Variants in KCNQ3 observed in about 807,000 individuals in gnomAD.
The protein encoded by KCNQ3 is potassium voltage-gated channel subfamily Q member 3, also known as potassium voltage-gated channel subfamily KQT member 3.
Under a neutral mutation model 92.5 loss-of-function variants are expected in KCNQ3, and 30 were observed. The ratio of observed to expected loss-of-function variants is 0.32; its 90% CI spans 0.24 to 0.44. KCNQ3 has a LOEUF of 0.44. KCNQ3 is among the 20% of genes least tolerant of loss of function. The pLI is 1.00. For synonymous variants in KCNQ3, 450 were observed against 468.8 expected (o/e 0.96, Z 0.52); for missense variants, 913 against 1,140.3 (o/e 0.80, Z 2.87).
intron 1 of KCNQ3, among the ~76,000 whole-genome samples, chr8:132,446,192 G>C (rs1199057201): frequency 6.6e-6 from 1 of 152,204 alleles, no homozygotes; most frequent in Non-Finnish European, 1.5e-5. Context: ...CCCTGCAGTG[G>C]CTTCCACAAC....
intron 1 of KCNQ3, among the ~76,000 whole-genome samples, chr8:132,362,139 G>A (rs1015835547): frequency 6.6e-6 from 1 of 152,128 alleles, no homozygotes; most frequent in Admixed American, 6.5e-5. Flanking sequence ...GTGGCTTGAC[G>A]ATTTTCTTTA....
At chr8:132,396,079 A>G (rs543678590) in intron 1 of KCNQ3, among the ~76,000 whole-genome samples, 1 of 152,308 alleles carries the variant, frequency 6.6e-6, no homozygotes, top group South Asian at 2.1e-4. Flanking sequence ...CTAGCACTGC[A>G]GTGAGGATTA....
At chr8:132,459,739 T>C (rs928647176) in intron 1 of KCNQ3, among the ~76,000 whole-genome samples, 3 of 151,018 alleles carry the variant, frequency 2.0e-5, no homozygotes, top group African/African-American at 7.3e-5. Flanking sequence ...TTTTCTTGTT[T>C]TTTTTTTTTT....
intron 7 of KCNQ3, among the ~76,000 whole-genome samples, chr8:132,171,314 A>G (rs1344593283): frequency 1.3e-5 from 2 of 152,144 alleles, no homozygotes; most frequent in Non-Finnish European, 2.9e-5. Context: ...AGTCAGGCAC[A>G]CAGACCCACA....
chr8:132,467,861 T>C (rs1283678824), intron 1 of KCNQ3, among the ~76,000 whole-genome samples: 2 of 152,234 alleles, frequency 1.3e-5, no homozygotes, highest in Non-Finnish European at 2.9e-5. Context: ...GATGGCACAC[T>C]GCTGTTGGAG....
chr8:132,333,395 T>C (rs932411595), intron 1 of KCNQ3, among the ~76,000 whole-genome samples: 3 of 152,204 alleles, frequency 2.0e-5, no homozygotes, highest in Admixed American at 6.5e-5. Context: ...ATTAGTAAGA[T>C]GCTGTCCCAC....
intron 7 of KCNQ3, among the ~76,000 whole-genome samples, chr8:132,171,751 C>A (rs1403460779): frequency 6.6e-6 from 1 of 152,172 alleles, no homozygotes; most frequent in African/African-American, 2.4e-5. Context: ...GGACTTTAGG[C>A]TGACTCTTCC....
intron 1 of KCNQ3, among the ~76,000 whole-genome samples, chr8:132,210,624 C>G (rs1813821098): frequency 6.6e-6 from 1 of 152,208 alleles, no homozygotes; most frequent in African/African-American, 2.4e-5. Flanking sequence ...TTGGCCAGGA[C>G]TGGGTTCTCA....
At chr8:132,131,674 C>T (rs1824882997) in intron 14 of KCNQ3, among the ~76,000 whole-genome samples, 1 of 152,178 alleles carries the variant, frequency 6.6e-6, no homozygotes, top group African/African-American at 2.4e-5. Context: ...AAAACTGAGG[C>T]TCAGAACAAT....
chr8:132,297,823 T>C (rs1182371041), intron 1 of KCNQ3, among the ~76,000 whole-genome samples: 4 of 122,940 alleles, frequency 3.3e-5, no homozygotes, highest in Non-Finnish European at 5.5e-5. Flanking sequence ...CCGGAACTCA[T>C]GTATCAGTTC....
chr8:132,396,129 C>G (rs1820185768), intron 1 of KCNQ3, among the ~76,000 whole-genome samples: 2 of 152,314 alleles, frequency 1.3e-5, no homozygotes, highest in Admixed American at 6.5e-5. Flanking sequence ...GCACTGTTGT[C>G]AAAACCTTCA....
Position 132,175,475 on chromosome 8 carries a change from G to T in KCNQ3, c.911C>A (p.Ala304Glu). ...EEMKEEFETY[A>E]DALWWGLITL... ...CACCAGGCCCCACCACAGGGCATCT[G>T]CATAGGTCTCAAACTCCTCTTTCAT... The change falls in exon 5 of 15, where the codon GCA (alanine) becomes GAA (glutamate). Residue 304 changes from alanine to glutamate, a missense_variant. This residue lies in a region of KCNQ3 where 52 missense variants were observed against 127.7 expected (regional missense o/e 0.41). Transcript: ENST00000388996. The T allele has an allele frequency of 6.2e-7, 1 of 1,614,178 alleles. No individual in the cohort carries two copies. The highest frequency in any genetic ancestry group is 8.5e-7 in the Non-Finnish European group (1 of 1,180,016).
At chr8:132,151,312 G>T (rs1310307871) in intron 9 of KCNQ3, among the ~76,000 whole-genome samples, 1 of 152,208 alleles carries the variant, frequency 6.6e-6, no homozygotes, top group Non-Finnish European at 1.5e-5. Flanking sequence ...AGATTTATGT[G>T]CAAGGCGTGT....
chr8:132,441,490 C>T (rs1307744417), intron 1 of KCNQ3, among the ~76,000 whole-genome samples: 2 of 152,114 alleles, frequency 1.3e-5, no homozygotes, highest in African/African-American at 4.8e-5. Context: ...GAAGGCAGAG[C>T]TTGCCGTGAG....
intron 1 of KCNQ3, among the ~76,000 whole-genome samples, chr8:132,211,030 AG>A (rs1441074193): frequency 6.6e-6 from 1 of 152,210 alleles, no homozygotes; most frequent in Non-Finnish European, 1.5e-5. Context: ...GGGCCCCCAC[AG>A]CACTCTGCAC....
chr8:132,343,591 C>T (rs1387414093), intron 1 of KCNQ3, among the ~76,000 whole-genome samples: 1 of 152,166 alleles, frequency 6.6e-6, no homozygotes, highest in African/African-American at 2.4e-5. Context: ...TGGGCTGAGG[C>T]ATCATGGTCA....
intron 1 of KCNQ3, among the ~76,000 whole-genome samples, chr8:132,244,083 C>T (rs973597387): frequency 1.3e-5 from 2 of 152,106 alleles, no homozygotes; most frequent in Non-Finnish European, 2.9e-5. Context: ...CCCTGGTCCT[C>T]CTACACCCCC....
chr8:132,179,216 A>G (rs1383931305), intron 4 of KCNQ3, among the ~76,000 whole-genome samples: 2 of 151,778 alleles, frequency 1.3e-5, no homozygotes, highest in African/African-American at 4.8e-5. Flanking sequence ...GGAAGGAAAC[A>G]CAAGCAGTAC....
rs185641570 is a variant in KCNQ3 at position 132,379,845 on chromosome 8, C to T, written c.386+100302G>A. On this transcript the variant is annotated intron_variant, in intron 1 of 14. Transcript: ENST00000388996. ...TTACTACTGGGGCTATAATATATAC[C>T]CCTGATTTACTTTCTAGAAGCTCCT... Among the ~76,000 whole-genome samples, 786 of 151,596 alleles carry T rather than the reference C, an allele frequency of 5.2e-3. 9 individuals carry two copies. Among genetic ancestry groups the T allele is most frequent in the African/African-American group, 0.018 (725 of 41,298 alleles).
Sources: allele counts gnomAD v4.1 joint callset (sites outside exome capture counted in the v4.1 genomes callset), GRCh38; gene constraint gnomAD v4.1.1; regional missense constraint gnomAD v4.1.1; transcripts MANE v1.5; gene names NCBI Gene and HGNC (gene_info 2026-07-23, HGNC 2026-07-21).